Variants in SGCD observed in about 807,000 individuals in gnomAD.
SGCD encodes the protein delta-sarcoglycan.
Under a neutral mutation model 36.6 loss-of-function variants are expected in SGCD, and 18 were observed. The observed-to-expected ratio is 0.49, with a 90% CI of 0.34 to 0.73. The LOEUF (loss-of-function observed/expected upper bound fraction) is 0.73, where lower values mean the gene tolerates loss of function less well. Among genes scored for constraint, SGCD ranks in the 30% least tolerant of loss-of-function variants. The pLI is 0.01. For synonymous variants in SGCD, 133 were observed against 130.6 expected (o/e 1.02, Z -0.12); for missense variants, 387 against 346.7 (o/e 1.12, Z -0.92).
Position 156,020,642 on chromosome 5 carries a change from G to T in SGCD, c.-281-97236G>T, listed in dbSNP as rs116473666. ...GGATATTTTCAATCTTGAATTATAG[G>T]TATTTATAATGGTGTCTTTACACCA... is the stretch of plus-strand genomic sequence containing the variant. On this transcript the variant is annotated intron_variant, in intron 1 of 9. Coordinates refer to the SGCD transcript ENST00000517913. Among the ~76,000 whole-genome samples the T allele has an allele frequency of 4.1e-3, 623 of 152,218 alleles. 7 individuals are homozygous for T. Among genetic ancestry groups the T allele is most frequent in the African/African-American group, 0.014 (579 of 41,528 alleles).
Position 156,496,655 on chromosome 5 carries a change from T to C in SGCD, c.193-11946T>C, listed in dbSNP as rs145640275. Among the ~76,000 whole-genome samples the C allele has an allele frequency of 3.4e-3, 515 of 152,160 alleles. 2 individuals carry two copies. Among genetic ancestry groups the C allele is most frequent in the Non-Finnish European group, 5.9e-3 (401 of 67,970 alleles). On this transcript the variant is annotated intron_variant, in intron 3 of 8. Coordinates refer to ENST00000337851, the MANE Select transcript of SGCD (RefSeq NM_000337.6). Reference sequence around the variant, plus strand: ...AGATTGCTGTGTAGACAAAGAAAAATAATAGGAGAATATAGCCAAATATGC... The same window carrying C: ...AGATTGCTGTGTAGACAAAGAAAAACAATAGGAGAATATAGCCAAATATGC...
At chr5:156,439,534 C>CTTA (rs1355397936) in intron 3 of SGCD, among the ~76,000 whole-genome samples, 2 of 152,062 alleles carry the variant, frequency 1.3e-5, no homozygotes, top group African/African-American at 2.4e-5. Context: ...CCCTACTCCC[C>CTTA]ACCATGGTGG....
intron 4 of SGCD, among the ~76,000 whole-genome samples, chr5:156,524,287 T>TTTTATA (rs1554112235): frequency 2.3e-5 from 3 of 130,176 alleles, no homozygotes; most frequent in Admixed American, 1.6e-4. Flanking sequence ...ATATATATAG[T>TTTTATA]TATATATATA....
chr5:156,183,087 C>G (rs950841920), intron 3 of SGCD, among the ~76,000 whole-genome samples: 6 of 152,270 alleles, frequency 3.9e-5, no homozygotes, highest in African/African-American at 1.2e-4. Flanking sequence ...CAAGACCAGC[C>G]TGGCCAACAC....
intron 1 of SGCD, among the ~76,000 whole-genome samples, chr5:155,974,154 A>G (rs997008690): frequency 1.3e-5 from 2 of 152,256 alleles, no homozygotes; most frequent in South Asian, 2.1e-4. Context: ...CAGTTACTAC[A>G]TATTTATGAA....
At chr5:156,689,096 G>T (rs991459715) in intron 7 of SGCD, among the ~76,000 whole-genome samples, 1 of 152,128 alleles carries the variant, frequency 6.6e-6, no homozygotes, top group African/African-American at 2.4e-5. Flanking sequence ...TCCAAATAAA[G>T]TCTGTAGTTT....
chr5:156,575,099 C>T (rs1057162426), intron 4 of SGCD, among the ~76,000 whole-genome samples: 3 of 152,294 alleles, frequency 2.0e-5, no homozygotes, highest in East Asian at 1.9e-4. Flanking sequence ...GTTTAGCCCA[C>T]GGAGTTTCTG....
At chr5:156,713,327 G>GT (rs1248328307) in intron 7 of SGCD, among the ~76,000 whole-genome samples, 1 of 151,886 alleles carries the variant, frequency 6.6e-6, no homozygotes, top group African/African-American at 2.4e-5. Flanking sequence ...TACACGAAGA[G>GT]TGAGACTCAG....
intron 3 of SGCD, among the ~76,000 whole-genome samples, chr5:156,235,407 T>G (rs1330463462): frequency 6.6e-6 from 1 of 152,166 alleles, no homozygotes; most frequent in Non-Finnish European, 1.5e-5. Flanking sequence ...TGTTTTGGTT[T>G]TTGGTTTGAC....
chr5:156,307,139 C>T (rs905007498), intron 3 of SGCD, among the ~76,000 whole-genome samples: 3 of 151,360 alleles, frequency 2.0e-5, no homozygotes, highest in African/African-American at 4.9e-5. Flanking sequence ...CTTCCTGGGC[C>T]CAAGCAATCC....
At chr5:155,881,295 A>AAAATAAATAAAT (rs6149303) in intron 1 of SGCD, among the ~76,000 whole-genome samples, 3,974 of 145,526 alleles carry the variant, frequency 0.027, 134 homozygotes, top group African/African-American at 0.076. Context: ...ACCTCACCAC[A>AAAATAAATAAAT]AAATAAATAA....
At chr5:156,097,231 T>C (rs965561859) in intron 1 of SGCD, among the ~76,000 whole-genome samples, 2 of 152,130 alleles carry the variant, frequency 1.3e-5, no homozygotes, top group Admixed American at 1.3e-4. Context: ...CATAGATCTG[T>C]AGTTTGTATC....
chr5:156,321,569 C>A (rs1261774463), intron 3 of SGCD, among the ~76,000 whole-genome samples: 1 of 152,166 alleles, frequency 6.6e-6, no homozygotes, highest in Non-Finnish European at 1.5e-5. Context: ...TTCCTAATAA[C>A]CCTACACAGC....
intron 3 of SGCD, among the ~76,000 whole-genome samples, chr5:156,221,963 G>T (rs978182044): frequency 6.6e-6 from 1 of 151,964 alleles, no homozygotes; most frequent in African/African-American, 2.4e-5. Context: ...GAAACAACTG[G>T]TAGCCTAGAG....
intron 3 of SGCD, among the ~76,000 whole-genome samples, chr5:156,354,547 G>A (rs17555185): frequency 0.015 from 2,299 of 152,224 alleles, 42 homozygotes; most frequent in Non-Finnish European, 0.019. Flanking sequence ...TTCCACTTAC[G>A]AGAGTTTTCA....
intron 7 of SGCD, among the ~76,000 whole-genome samples, chr5:156,756,070 A>G (rs1412085029): frequency 6.6e-6 from 1 of 152,218 alleles, no homozygotes; most frequent in East Asian, 1.9e-4. Context: ...ATAGTGGGCA[A>G]GGAGAATGAG....
At chr5:156,167,911 A>C (rs1279506042) in intron 3 of SGCD, among the ~76,000 whole-genome samples, 1 of 152,218 alleles carries the variant, frequency 6.6e-6, no homozygotes, top group East Asian at 1.9e-4. Context: ...AAGCATAGAT[A>C]GTTCACCTTG....
intron 4 of SGCD, among the ~76,000 whole-genome samples, chr5:156,523,913 G>A (rs80019372): frequency 0.12 from 18,469 of 150,740 alleles, 1,291 homozygotes; most frequent in Admixed American, 0.17. Flanking sequence ...AATGTCCTCA[G>A]TAGGTTCTTA....
chr5:156,550,967 G>A (rs73297184), intron 4 of SGCD, among the ~76,000 whole-genome samples: 6,238 of 152,216 alleles, frequency 0.041, 431 homozygotes, highest in African/African-American at 0.14. Context: ...CTTATTTAGT[G>A]TACATGTTTC....
Sources: gnomAD v4.1 joint callset for allele counts (sites outside exome capture counted in the v4.1 genomes callset) on GRCh38, gnomAD v4.1.1 for gene constraint, MANE v1.5 for transcripts, NCBI Gene and HGNC (gene_info 2026-07-23, HGNC 2026-07-21) for gene names.